Variants in SLC25A21 observed in about 807,000 individuals in gnomAD.
SLC25A21 encodes solute carrier family 25 member 21, also known as mitochondrial 2-oxodicarboxylate carrier.
In SLC25A21, 47 loss-of-function variants were observed where a neutral mutation model predicts 43.8. The observed-to-expected ratio is 1.07, with a 90% CI of 0.85 to 1.37. The LOEUF is 1.37. Ranked by LOEUF, SLC25A21 falls within the 40% of genes most tolerant of loss-of-function variation. SLC25A21 has a pLI of 0.00. For synonymous variants in SLC25A21, 131 were observed against 121.3 expected (o/e 1.08, Z -0.52); for missense variants, 352 against 350.2 (o/e 1.00, Z -0.04).
At chr14:37,094,768 A>G (rs964810170) in intron 1 of SLC25A21, among the ~76,000 whole-genome samples, 6 of 151,444 alleles carry the variant, frequency 4.0e-5, no homozygotes, top group African/African-American at 1.5e-4. Flanking sequence ...CAAGTTAAAT[A>G]TCGCCAGTAG....
chr14:37,148,746 G>A (rs963365583), intron 1 of SLC25A21, among the ~76,000 whole-genome samples: 5 of 152,110 alleles, frequency 3.3e-5, no homozygotes, highest in African/African-American at 1.2e-4. Context: ...CTCTTCCTTA[G>A]AGGGGCTCAC....
At chr14:36,702,653 G>A (rs1452444698) in intron 7 of SLC25A21, among the ~76,000 whole-genome samples, 1 of 152,074 alleles carries the variant, frequency 6.6e-6, no homozygotes, top group African/African-American at 2.4e-5. Context: ...AGTTCCTTGT[G>A]CAATGATTTG....
intron 1 of SLC25A21, among the ~76,000 whole-genome samples, chr14:37,125,065 T>C (rs1482308665): frequency 6.6e-6 from 1 of 152,208 alleles, no homozygotes; most frequent in East Asian, 1.9e-4. Context: ...AGGATCTGAA[T>C]GGATGCCCAA....
chr14:36,804,922 G>A (rs566337036), intron 3 of SLC25A21, among the ~76,000 whole-genome samples: 42 of 152,320 alleles, frequency 2.8e-4, no homozygotes, highest in African/African-American at 9.4e-4. Flanking sequence ...TAATGTGACT[G>A]TACTTCTAGC....
At chr14:37,144,377 A>T (rs767519705) in intron 1 of SLC25A21, among the ~76,000 whole-genome samples, 5 of 152,248 alleles carry the variant, frequency 3.3e-5, no homozygotes, top group Non-Finnish European at 7.3e-5. Flanking sequence ...TAGAATACCT[A>T]CACACATATA....
intron 1 of SLC25A21, among the ~76,000 whole-genome samples, chr14:36,934,325 T>G (rs931194575): frequency 3.3e-5 from 5 of 152,034 alleles, no homozygotes; most frequent in African/African-American, 1.2e-4. Flanking sequence ...AAGGAGAATC[T>G]CTATAATTGA....
intron 1 of SLC25A21, among the ~76,000 whole-genome samples, chr14:36,976,014 T>G (rs1959862862): frequency 6.6e-6 from 1 of 152,166 alleles, no homozygotes; most frequent in Admixed American, 6.5e-5. Flanking sequence ...ACATGGGAAT[T>G]TTTGCTTCAG....
intron 1 of SLC25A21, among the ~76,000 whole-genome samples, chr14:37,023,998 T>C (rs1961040867): frequency 6.6e-6 from 1 of 152,098 alleles, no homozygotes; most frequent in Non-Finnish European, 1.5e-5. Flanking sequence ...TGAACTGTAC[T>C]GACAAATTGT....
intron 1 of SLC25A21, among the ~76,000 whole-genome samples, chr14:37,013,302 G>C (rs995129583): frequency 2.6e-5 from 4 of 152,112 alleles, no homozygotes; most frequent in Non-Finnish European, 5.9e-5. Context: ...CTAATCCCCA[G>C]TGTCCTAGTC....
At position 36,975,537 on chromosome 14, in the gene SLC25A21, T is replaced by C. The variant is rs538932290; in HGVS notation, c.71-100533A>G. Among the ~76,000 whole-genome samples, 4 of 152,360 alleles carry C rather than the reference T, an allele frequency of 2.6e-5. No homozygotes were observed. In the South Asian group the frequency reaches 8.3e-4, roughly 32 times the overall value. On this transcript the variant is annotated intron_variant, in intron 1 of 9. Coordinates refer to ENST00000331299, the MANE Select transcript of SLC25A21 (RefSeq NM_030631.4). ...TGCACTGTTTGTAAAGATAAGTTGT[T>C]CGATGAGTACAAATCTTACAGAATA...
At chr14:36,790,408 G>T (rs1887443176) in intron 3 of SLC25A21, among the ~76,000 whole-genome samples, 1 of 151,892 alleles carries the variant, frequency 6.6e-6, no homozygotes, top group Non-Finnish European at 1.5e-5. Context: ...ATCTGCTCTT[G>T]CCAGGTAAAA....
At chr14:36,849,377 C>A (rs538785568) in intron 2 of SLC25A21, among the ~76,000 whole-genome samples, 2 of 151,984 alleles carry the variant, frequency 1.3e-5, no homozygotes, top group Non-Finnish European at 2.9e-5. Context: ...GAAATGACAC[C>A]CTGATTCAAC....
intron 7 of SLC25A21, among the ~76,000 whole-genome samples, chr14:36,703,191 A>T (rs993630102): frequency 2.6e-5 from 4 of 152,200 alleles, no homozygotes; most frequent in African/African-American, 9.6e-5. Context: ...ACTATGCTCT[A>T]ATTCTATTGA....
intron 7 of SLC25A21, among the ~76,000 whole-genome samples, chr14:36,703,575 G>T (rs2139174247): frequency 6.6e-6 from 1 of 152,236 alleles, no homozygotes; most frequent in Admixed American, 6.5e-5. Flanking sequence ...AAGGTCTATT[G>T]TTTTCTGCAA....
intron 1 of SLC25A21, among the ~76,000 whole-genome samples, chr14:36,905,614 C>T (rs949305873): frequency 8.6e-5 from 13 of 151,646 alleles, no homozygotes; most frequent in Non-Finnish European, 1.9e-4. Context: ...TTGATTACCC[C>T]GAAGGGATTT....
intron 1 of SLC25A21, among the ~76,000 whole-genome samples, chr14:36,902,981 C>A (rs1305992585): frequency 6.6e-6 from 1 of 152,008 alleles, no homozygotes; most frequent in African/African-American, 2.4e-5. Flanking sequence ...ACAAACAAAA[C>A]CAAAACAACA....
At chr14:36,698,822 T>TG (rs1883152457) in intron 7 of SLC25A21, among the ~76,000 whole-genome samples, 1 of 152,212 alleles carries the variant, frequency 6.6e-6, no homozygotes, top group African/African-American at 2.4e-5. Flanking sequence ...CGTCTAATCT[T>TG]TTTTCAAGGT....
At chr14:36,910,118 T>C (rs1486979049) in intron 1 of SLC25A21, among the ~76,000 whole-genome samples, 1 of 152,166 alleles carries the variant, frequency 6.6e-6, no homozygotes, top group African/African-American at 2.4e-5. Context: ...TTCACTGAGA[T>C]GTTACTTGCT....
intron 1 of SLC25A21, among the ~76,000 whole-genome samples, chr14:37,011,516 C>T (rs1475625510): frequency 6.6e-6 from 1 of 152,114 alleles, no homozygotes; most frequent in Non-Finnish European, 1.5e-5. Context: ...TTTTACATAT[C>T]TGTTATTAAC....
Sources: gnomAD v4.1 joint callset for allele counts (sites outside exome capture counted in the v4.1 genomes callset) on GRCh38, gnomAD v4.1.1 for gene constraint, MANE v1.5 for transcripts, NCBI Gene and HGNC (gene_info 2026-07-23, HGNC 2026-07-21) for gene names.